Variants in GBE1 observed in about 807,000 individuals in gnomAD.
GBE1 encodes 1,4-alpha-glucan branching enzyme 1.
Under a neutral mutation model 88.8 loss-of-function variants are expected in GBE1, and 70 were observed. That is an observed-to-expected ratio of 0.79 (90% CI 0.65 to 0.96). The LOEUF is 0.96. GBE1 is among the 40% of genes least tolerant of loss of function. The probability of loss-of-function intolerance (pLI) is 0.00; values close to 1 mark genes in which losing one functional copy is unlikely to be tolerated. For synonymous variants in GBE1, 284 were observed against 300.1 expected, an observed-to-expected ratio of 0.95 and a Z score of 0.56; for missense variants, 872 against 871.0, an observed-to-expected ratio of 1.00 and a Z score of -0.01.
intron 1 of GBE1, among the ~76,000 whole-genome samples, chr3:81,719,954 G>A (rs1705999335): frequency 6.6e-6 from 1 of 151,974 alleles, no homozygotes; most frequent in South Asian, 2.1e-4. Flanking sequence ...TTTATATTAG[G>A]AACAGGATAA....
At chr3:81,626,323 T>C (rs893027136) in intron 7 of GBE1, among the ~76,000 whole-genome samples, 9 of 152,228 alleles carry the variant, frequency 5.9e-5, no homozygotes, top group African/African-American at 1.7e-4. Flanking sequence ...ACAATGTTTA[T>C]AGCACAGAAT....
chr3:81,588,848 T>C (rs189584343), intron 9 of GBE1, among the ~76,000 whole-genome samples: 3 of 152,232 alleles, frequency 2.0e-5, no homozygotes, highest in Admixed American at 6.5e-5. Context: ...ATAATCATTG[T>C]CTCCGTGATT....
intron 12 of GBE1, among the ~76,000 whole-genome samples, chr3:81,571,393 T>C (rs1388885959): frequency 6.6e-6 from 1 of 152,214 alleles, no homozygotes; most frequent in African/African-American, 2.4e-5. Context: ...GAATATGTTT[T>C]ATAATGACAA....
At chr3:81,542,989 C>T (rs1411208253) in intron 12 of GBE1, among the ~76,000 whole-genome samples, 4 of 151,912 alleles carry the variant, frequency 2.6e-5, no homozygotes, top group Admixed American at 6.6e-5. Flanking sequence ...TAATGTAACT[C>T]AATTTAAGAT....
At chr3:81,538,531 A>G (rs1368640706) in intron 12 of GBE1, among the ~76,000 whole-genome samples, 1 of 152,004 alleles carries the variant, frequency 6.6e-6, no homozygotes, top group Non-Finnish European at 1.5e-5. Flanking sequence ...AGGCTATATT[A>G]GGATGCTTTA....
At chr3:81,643,202 T>C in intron 6 of GBE1, among the ~76,000 whole-genome samples, 1 of 152,256 alleles carries the variant, frequency 6.6e-6, no homozygotes, top group African/African-American at 2.4e-5. Flanking sequence ...AATCGGGTTA[T>C]TAAATGTAGA....
chr3:81,578,416 AT>A (rs540646811), intron 11 of GBE1, among the ~76,000 whole-genome samples: 112 of 152,010 alleles, frequency 7.4e-4, no homozygotes, highest in Admixed American at 2.8e-3. Context: ...AACATTTATT[AT>A]AATGTTGAGA....
chr3:81,666,738 A>G (rs1576192049), intron 3 of GBE1, among the ~76,000 whole-genome samples: 1 of 152,204 alleles, frequency 6.6e-6, no homozygotes, highest in African/African-American at 2.4e-5. Context: ...AAACATATCA[A>G]TGTGACACAT....
chr3:81,670,801 T>C, intron 3 of GBE1, 37 bp downstream of exon 3: 1 of 1,113,640 alleles, frequency 9.0e-7, no homozygotes, highest in South Asian at 1.6e-5. Context: ...AAAAAGAAAA[T>C]GATAAGTTCA....
chr3:81,696,213 G>T (rs142685359), intron 2 of GBE1, among the ~76,000 whole-genome samples: 2 of 152,160 alleles, frequency 1.3e-5, no homozygotes, highest in East Asian at 3.8e-4. Context: ...CAGACCAAGC[G>T]TCAAGACTAA....
At chr3:81,717,709 T>C (rs1705959049) in intron 1 of GBE1, among the ~76,000 whole-genome samples, 1 of 152,128 alleles carries the variant, frequency 6.6e-6, no homozygotes. Context: ...AGAAGTTGAA[T>C]TGAAAGGTTC....
intron 3 of GBE1, among the ~76,000 whole-genome samples, chr3:81,667,003 G>A (rs987672928): frequency 6.6e-6 from 1 of 152,178 alleles, no homozygotes; most frequent in Non-Finnish European, 1.5e-5. Context: ...ACAGATGTCA[G>A]CTACTAAAAT....
At chr3:81,656,421 G>C (rs1704940467) in intron 3 of GBE1, among the ~76,000 whole-genome samples, 1 of 152,118 alleles carries the variant, frequency 6.6e-6, no homozygotes, top group Admixed American at 6.5e-5. Context: ...TTCTCCCCTA[G>C]AACCTCCAGA....
intron 1 of GBE1, among the ~76,000 whole-genome samples, chr3:81,723,681 T>C (rs1706069235): frequency 6.6e-6 from 1 of 152,198 alleles, no homozygotes; most frequent in South Asian, 2.1e-4. Flanking sequence ...AAACAATAAA[T>C]ACTAAAAGTA....
At chr3:81,523,234 T>C (rs1391468522) in intron 14 of GBE1, among the ~76,000 whole-genome samples, 1 of 150,912 alleles carries the variant, frequency 6.6e-6, no homozygotes, top group Non-Finnish European at 1.5e-5. Flanking sequence ...AATATATTAA[T>C]ATATTTTAGA....
At chr3:81,584,195 GAA>G (rs1035271711) in intron 10 of GBE1, among the ~76,000 whole-genome samples, 1 of 151,956 alleles carries the variant, frequency 6.6e-6, no homozygotes, top group African/African-American at 2.4e-5. Context: ...ATTAAACTAA[GAA>G]TGATATTCAA....
At chr3:81,735,196 G>A (rs1371310506) in intron 1 of GBE1, among the ~76,000 whole-genome samples, 1 of 152,136 alleles carries the variant, frequency 6.6e-6, no homozygotes, top group African/African-American at 2.4e-5. Flanking sequence ...AAGCAACTAA[G>A]AGTCACTCTC....
At chr3:81,569,704 G>A (rs373156369) in intron 12 of GBE1, among the ~76,000 whole-genome samples, 11 of 152,140 alleles carry the variant, frequency 7.2e-5, no homozygotes, top group Admixed American at 2.6e-4. Context: ...GAGAGCAGAC[G>A]GAGTATCTAT....
chr3:81,507,227 T>C (rs6785960), intron 14 of GBE1, among the ~76,000 whole-genome samples: 19,841 of 152,016 alleles, frequency 0.13, 1,837 homozygotes, highest in East Asian at 0.37. Flanking sequence ...CCCAATATTA[T>C]AATATTTCTA....
Sources: gnomAD v4.1 joint callset for allele counts (sites outside exome capture counted in the v4.1 genomes callset) on GRCh38, gnomAD v4.1.1 for gene constraint, MANE v1.5 for transcripts, NCBI Gene and HGNC (gene_info 2026-07-23, HGNC 2026-07-21) for gene names.